ATG13: variants seen among roughly 807,000 people sequenced by gnomAD.
The protein encoded by ATG13 is autophagy-related protein 13.
A neutral mutation model predicts 65.5 loss-of-function variants in ATG13; 23 were observed. The observed-to-expected ratio is 0.35, with a 90% CI of 0.25 to 0.50. ATG13 has a LOEUF of 0.50. Among genes scored for constraint, ATG13 ranks in the 20% least tolerant of loss-of-function variants. The pLI, the probability that ATG13 is intolerant of heterozygous loss-of-function variation, is 0.98. For synonymous variants in ATG13, 252 were observed against 245.2 expected (o/e 1.03, Z -0.26); for missense variants, 566 against 677.0 (o/e 0.84, Z 1.82).
rs1434292771 is a variant in ATG13, at chr11:46,672,940, C to G, written c.*608C>G. On this transcript the variant is annotated 3_prime_UTR_variant, in exon 19 of 19. Coordinates refer to ENST00000683050, the MANE Select transcript of ATG13 (RefSeq NM_001346311.2). ...CTACCCAAGATCAGAACTCCAAAAC[C>G]ACTCCCACCCCTGAAGGTCGGGAGG... 9.4e-6 allele frequency: 6 copies of G among 636,372 alleles called. No individual in the cohort carries two copies. The highest frequency in any genetic ancestry group is 1.4e-5 in the Non-Finnish European group (6 of 443,126). 39.4% of individuals were successfully genotyped at this position (636,372 alleles called of 1,614,324 possible).
At chr11:46,637,699 C>G (rs915714871) in intron 2 of ATG13, among the ~76,000 whole-genome samples, 1 of 152,166 alleles carries the variant, frequency 6.6e-6, no homozygotes, top group African/African-American at 2.4e-5. Flanking sequence ...GCAGGCTATT[C>G]AGAGCAAAAG....
Position 46,645,309 on chromosome 11 carries a change from G to T in ATG13, c.70-30G>T, listed in dbSNP as rs774802327. On this transcript the variant is annotated intron_variant, in intron 3 of 18. Transcript: ENST00000683050. ...TAGTCTAAGACTTTTCATCATTTTA[G>T]GATTTCTTTTGTGTTTTTTTTTTCT... is the stretch of plus-strand genomic sequence containing the variant. The T allele has an allele frequency of 1.9e-6, 3 of 1,591,744 alleles. No individual in the cohort carries two copies. In the Admixed American group the frequency reaches 5.3e-5, roughly 28 times the overall value.
At chr11:46,637,572 G>C (rs1238684293) in intron 2 of ATG13, among the ~76,000 whole-genome samples, 1 of 152,080 alleles carries the variant, frequency 6.6e-6, no homozygotes, top group Non-Finnish European at 1.5e-5. Flanking sequence ...ACAGGGTTTT[G>C]CCATGTTGGC....
intron 2 of ATG13, among the ~76,000 whole-genome samples, chr11:46,634,094 AT>A (rs1051735707): frequency 6.2e-4 from 91 of 147,828 alleles, no homozygotes; most frequent in African/African-American, 2.2e-3. Context: ...TTTGCCTGGG[AT>A]TTTTTTTTTC....
chr11:46,665,859 C>G (rs1277430061), intron 14 of ATG13, among the ~76,000 whole-genome samples: 1 of 127,586 alleles, frequency 7.8e-6, no homozygotes, highest in African/African-American at 3.1e-5. Flanking sequence ...GGCTGAAGTG[C>G]AGTGGTACAA....
At chr11:46,630,860 A>G (rs1457051220) in intron 2 of ATG13, 1 of 151,796 alleles carries the variant, frequency 6.6e-6, no homozygotes, top group Admixed American at 6.6e-5. Context: ...TGCCACCACA[A>G]CTGGCTAATT....
Position 46,672,628 on chromosome 11 carries a change from C to T in ATG13, c.*296C>T, listed in dbSNP as rs12276664. ...TGTGTGCCCTGCCCATCACCAACTGCTTCCCAAGGGTGTCATCCTGTTCCT... is the reference window on the plus strand; with the variant it reads ...TGTGTGCCCTGCCCATCACCAACTGTTTCCCAAGGGTGTCATCCTGTTCCT... On this transcript the variant is annotated 3_prime_UTR_variant, in exon 19 of 19. Transcript: ENST00000683050. 12,320 of 1,407,488 alleles carry T rather than the reference C, an allele frequency of 8.8e-3. 902 individuals carry two copies. The African/African-American group carries it at 0.16, about 18-fold the overall frequency. 87.2% of individuals were successfully genotyped at this position (1,407,488 alleles called of 1,614,324 possible).
intron 1 of ATG13, among the ~76,000 whole-genome samples, chr11:46,619,685 G>A (rs1448723910): frequency 1.3e-5 from 2 of 151,968 alleles, no homozygotes; most frequent in Non-Finnish European, 2.9e-5. Flanking sequence ...ACCACTCCTG[G>A]CCGATTTCTT....
At chr11:46,657,040 G>A in intron 8 of ATG13, 55 bp from the exon 9 acceptor site, 1 of 1,409,240 alleles carries the variant, frequency 7.1e-7, no homozygotes, top group Non-Finnish European at 1.0e-6. Context: ...AGACGGTCTG[G>A]GGGCAGTGTC....
At chr11:46,669,168 C>T (rs2063121940) in intron 17 of ATG13, among the ~76,000 whole-genome samples, 1 of 152,140 alleles carries the variant, frequency 6.6e-6, no homozygotes, top group African/African-American at 2.4e-5. Context: ...CCACTTAGGT[C>T]CTATTCGTGG....
chr11:46,624,488 A>AT (rs71644284), intron 1 of ATG13, among the ~76,000 whole-genome samples: 7,485 of 145,510 alleles, frequency 0.051, 270 homozygotes, highest in African/African-American at 0.11. Flanking sequence ...GGATCTTCAG[A>AT]TTTTTTTTTT....
At chr11:46,667,744 C>G (rs375524581) in intron 14 of ATG13, 29 bp from the exon 15 acceptor site, 1 of 1,539,966 alleles carries the variant, frequency 6.5e-7, no homozygotes, top group South Asian at 1.1e-5. Context: ...GGTTTGAGAA[C>G]GAGTACTAAC....
At chr11:46,634,502 G>GTCC (rs10645429) in intron 2 of ATG13, among the ~76,000 whole-genome samples, 31,364 of 149,490 alleles carry the variant, frequency 0.21, 3,893 homozygotes, top group African/African-American at 0.35. Flanking sequence ...GGTTCAAGCA[G>GTCC]TCCTGACTCA....
intron 18 of ATG13, among the ~76,000 whole-genome samples, chr11:46,670,800 A>G (rs899151667): frequency 7.2e-5 from 11 of 152,206 alleles, no homozygotes; most frequent in Admixed American, 3.3e-4. Context: ...TGACAGAGTG[A>G]GACCCTGTCT....
chr11:46,638,319 C>A (rs1022660142), intron 2 of ATG13, among the ~76,000 whole-genome samples: 1 of 152,110 alleles, frequency 6.6e-6, no homozygotes, highest in Non-Finnish European at 1.5e-5. Context: ...TGCCTATAAT[C>A]CCAGCTACTC....
intron 5 of ATG13, among the ~76,000 whole-genome samples, chr11:46,647,413 G>T (rs2057907574): frequency 6.6e-6 from 1 of 151,752 alleles, no homozygotes; most frequent in African/African-American, 2.4e-5. Flanking sequence ...GAGTAGCTGG[G>T]ATTACAGGTG....
chr11:46,661,229 A>C (rs936423738), intron 11 of ATG13, among the ~76,000 whole-genome samples: 21 of 151,998 alleles, frequency 1.4e-4, no homozygotes, highest in African/African-American at 4.8e-4. Context: ...GATTAAAGTC[A>C]TAGTTCTGCC....
At chr11:46,645,255 A>T (rs61884275) in intron 3 of ATG13, 84 bp from the exon 4 acceptor site, 29,902 of 1,145,578 alleles carry the variant, frequency 0.026, 528 homozygotes, top group Non-Finnish European at 0.032. Context: ...CTGTATTGGG[A>T]GGATTTTAAC....
chr11:46,664,448 A>G (rs980194522), intron 12 of ATG13, among the ~76,000 whole-genome samples: 3 of 152,206 alleles, frequency 2.0e-5, no homozygotes, highest in African/African-American at 7.2e-5. Context: ...TTTCTATGTC[A>G]AAGGGGCCTC....
Sources: allele counts gnomAD v4.1 joint callset (sites outside exome capture counted in the v4.1 genomes callset), GRCh38; gene constraint gnomAD v4.1.1; transcripts MANE v1.5; gene names NCBI Gene and HGNC (gene_info 2026-07-23, HGNC 2026-07-21).